Variants in JAKMIP1 observed in about 807,000 individuals in gnomAD.
JAKMIP1 encodes the protein janus kinase and microtubule interacting protein 1, also known as janus kinase and microtubule-interacting protein 1.
A neutral mutation model predicts 113.0 loss-of-function variants in JAKMIP1; 33 were observed. The ratio of observed to expected loss-of-function variants is 0.29; its 90% CI spans 0.22 to 0.39. The LOEUF (loss-of-function observed/expected upper bound fraction) is 0.39, where lower values mean the gene tolerates loss of function less well. Among genes scored for constraint, JAKMIP1 ranks in the 10% least tolerant of loss-of-function variants. JAKMIP1 has a pLI of 1.00. For synonymous variants in JAKMIP1, 480 were observed against 459.9 expected (o/e 1.04, Z -0.56); for missense variants, 813 against 1,080.5 (o/e 0.75, Z 3.47).
At chr4:6,055,844 A>G (rs1267098887) in intron 12 of JAKMIP1, among the ~76,000 whole-genome samples, 3 of 126,604 alleles carry the variant, frequency 2.4e-5, no homozygotes, top group Non-Finnish European at 3.3e-5. Context: ...TCTGCAGGGT[A>G]TCCCCAGAGG....
rs1714204619 is a variant in JAKMIP1 at position 6,040,794 on chromosome 4, G to A, written c.2098-78C>T. The A allele has an allele frequency of 5.2e-6, 6 of 1,144,980 alleles. No homozygotes were observed. In the South Asian group the frequency reaches 6.4e-5, roughly 12 times the overall value. The allele number at this position is 1,144,980 out of a possible 1,614,324, so 70.9% of individuals were successfully genotyped here. ...ACAGCTTCAGAGCCCGTTTGCTAGA[G>A]AGTGGCAGTCTCACCGAATTGGGGG... On this transcript the variant is annotated intron_variant, in intron 17 of 20. Transcript: ENST00000409021. This position sits in a 1 kb window ranked among gnomAD's most constrained non-coding sequence, Gnocchi z 5.8.
At chr4:6,048,807 GC>G (rs1715308192) in intron 16 of JAKMIP1, 49 bp downstream of exon 16, 1 of 1,482,828 alleles carries the variant, frequency 6.7e-7, no homozygotes, top group Non-Finnish European at 9.4e-7. Flanking sequence ...CTTGTATGGT[GC>G]TGGGAAGCTG....
intron 1 of JAKMIP1, among the ~76,000 whole-genome samples, chr4:6,161,907 C>T (rs536601172): frequency 1.3e-5 from 2 of 152,192 alleles, no homozygotes; most frequent in South Asian, 4.2e-4. Flanking sequence ...TGTTTGAAAG[C>T]TTTCTTGCTG....
rs1174209109 is a variant in JAKMIP1, at chr4:6,064,945, C to T, written c.1366G>A (p.Glu456Lys). ...GTCCTGTCTGTGTTGTAGGATGTTT[C>T]GGACAACGTTTCTGAGTCCACAGAC... ...EESVDSETLS[E>K]TSYNTDRTDR... Residue 456 changes from glutamate (E) to lysine (K), a missense_variant, in exon 9 of 21, where the codon GAA (glutamate) becomes AAA (lysine). Glu to Lys is a moderately conservative substitution (Grantham distance 56). This residue lies in a region of JAKMIP1 where 540 missense variants were observed against 653.9 expected (regional missense o/e 0.83). Transcript: ENST00000409021. This position sits in a 1 kb window ranked among gnomAD's most constrained non-coding sequence, Gnocchi z 4.3. The T allele has an allele frequency of 1.9e-6, 3 of 1,613,948 alleles. No individual in the cohort carries two copies. Among genetic ancestry groups the T allele is most frequent in the African/African-American group, 1.3e-5 (1 of 74,894 alleles).
intron 13 of JAKMIP1, among the ~76,000 whole-genome samples, chr4:6,052,042 C>A (rs909399596): frequency 1.3e-5 from 2 of 151,968 alleles, no homozygotes; most frequent in African/African-American, 4.8e-5. Context: ...CCAAGAGAGG[C>A]ACGAATCTAG....
chr4:6,119,340 T>A (rs1315315170), intron 1 of JAKMIP1, among the ~76,000 whole-genome samples: 1 of 151,664 alleles, frequency 6.6e-6, no homozygotes, highest in Non-Finnish European at 1.5e-5. Context: ...GGTTGGGAGT[T>A]CGAGACTAGC....
At position 6,093,004 on chromosome 4, in the gene JAKMIP1, A is replaced by G. The variant is rs1209826915; in HGVS notation, c.625-7375T>C. Reference sequence around the variant, plus strand: ...ATTTTCATTTTGTATTTTACTGGGAATCCAAGTATCACATATCATCATGGC... The same window carrying G: ...ATTTTCATTTTGTATTTTACTGGGAGTCCAAGTATCACATATCATCATGGC... On this transcript the variant is annotated intron_variant, in intron 3 of 20. Coordinates refer to ENST00000409021, the MANE Select transcript of JAKMIP1 (RefSeq NM_001099433.2). The surrounding 1 kb of genome is among the most constrained non-coding windows in gnomAD (Gnocchi z 4.6). Among the ~76,000 whole-genome samples the G allele has an allele frequency of 6.6e-6, 1 of 152,234 alleles. No homozygotes were observed. Among genetic ancestry groups the G allele is most frequent in the Non-Finnish European group, 1.5e-5 (1 of 68,034 alleles).
Position 6,064,801 on chromosome 4 carries a change from C to T in JAKMIP1, c.1431+79G>A. ...CAGAACTATAGGCAAGGGAGCGAAA[C>T]TTGCAACTATCAAAAGCAGGAGGTG... On this transcript the variant is annotated intron_variant, in intron 9 of 20. Transcript: ENST00000409021. The surrounding 1 kb of genome is among the most constrained non-coding windows in gnomAD (Gnocchi z 4.3). The T allele has an allele frequency of 6.3e-7, 1 of 1,591,604 alleles. No homozygotes were observed. The highest frequency in any genetic ancestry group is 1.7e-5 in the Admixed American group (1 of 59,256).
intron 13 of JAKMIP1, 158 bp downstream of exon 13, chr4:6,053,890 TAC>T: frequency 6.6e-7 from 1 of 1,521,222 alleles, no homozygotes; most frequent in Non-Finnish European, 8.8e-7. Context: ...ATTCTGAACA[TAC>T]AGATTTAAAA....
chr4:6,112,912 A>C lies in JAKMIP1; in HGVS notation c.-62T>G, dbSNP rs1057279833. 1 of 1,575,406 alleles carries C rather than the reference A, an allele frequency of 6.3e-7. No individual in the cohort carries two copies. Among genetic ancestry groups the C allele is most frequent in the African/African-American group, 1.3e-5 (1 of 74,234 alleles). ...CCACACCTGTTCACGCACGCCAGCC[A>C]GCAGGCGTGGCTACCAGCTCCACCG... is the stretch of plus-strand genomic sequence containing the variant. On this transcript the variant is annotated 5_prime_UTR_variant, in exon 2 of 21. Transcript: ENST00000409021.
intron 18 of JAKMIP1, among the ~76,000 whole-genome samples, chr4:6,037,248 G>A (rs1173192024): frequency 3.2e-5 from 4 of 123,724 alleles, no homozygotes; most frequent in South Asian, 2.7e-4. Context: ...GAGGCTAACC[G>A]GTATCCCTCC....
At chr4:6,173,037 T>C (rs2109026325) in intron 1 of JAKMIP1, among the ~76,000 whole-genome samples, 1 of 152,212 alleles carries the variant, frequency 6.6e-6, no homozygotes, top group Middle Eastern at 3.4e-3. Flanking sequence ...GCTAACCCGA[T>C]TAACAAAGGA....
At chr4:6,038,791 G>A (rs1713911943) in intron 18 of JAKMIP1, among the ~76,000 whole-genome samples, 1 of 152,220 alleles carries the variant, frequency 6.6e-6, no homozygotes, top group Admixed American at 6.5e-5. Context: ...GGTGCCTGCA[G>A]GCTCACCCCT....
rs568230655 is a variant in JAKMIP1 at position 6,183,860 on chromosome 4, C to T, written c.-148+16393G>A. ...CTCTGAGAATGCAAGACAAGTCACT[C>T]CCAAAAACGGAATCACAAATGCGGT... On this transcript the variant is annotated intron_variant, in intron 1 of 20. Transcript: ENST00000409021. This position sits in a 1 kb window ranked among gnomAD's most constrained non-coding sequence, Gnocchi z 5.3. Among the ~76,000 whole-genome samples, 149 of 152,294 alleles carry T rather than the reference C, an allele frequency of 9.8e-4. No homozygotes were observed. Among genetic ancestry groups the T allele is most frequent in the Admixed American group, 1.8e-3 (27 of 15,302 alleles).
chr4:6,073,364 A>T (rs1046619562), intron 8 of JAKMIP1, among the ~76,000 whole-genome samples: 5 of 152,202 alleles, frequency 3.3e-5, no homozygotes, highest in African/African-American at 1.2e-4. Context: ...CAGCAGACCC[A>T]GAGTCATTTG....
rs895653899 is a variant in JAKMIP1, at chr4:6,097,267, G to A, written c.624+8206C>T. On this transcript the variant is annotated intron_variant, in intron 3 of 20. Transcript: ENST00000409021. This position sits in a 1 kb window ranked among gnomAD's most constrained non-coding sequence, Gnocchi z 4.3. ...CCACCTCAGCCTCCTGATGTATTGG[G>A]ATTACAGTCATGAGCCATCTCGCCC... 6.6e-6 allele frequency among the ~76,000 whole-genome samples: 1 copy of A among 152,184 alleles called. No homozygotes were observed. The highest frequency in any genetic ancestry group is 2.4e-5 in the African/African-American group (1 of 41,440).
At chr4:6,110,658 T>A (rs1198007419) in intron 2 of JAKMIP1, among the ~76,000 whole-genome samples, 1 of 143,994 alleles carries the variant, frequency 6.9e-6, no homozygotes, top group African/African-American at 2.6e-5. Flanking sequence ...CCAGGCCCTG[T>A]GTGTGACTGT....
rs143446891 is a variant in JAKMIP1 at position 6,160,723 on chromosome 4, C to G, written c.-148+39530G>C. 7.8e-3 allele frequency among the ~76,000 whole-genome samples: 1,185 copies of G among 152,284 alleles called. 7 individuals carry two copies. Among genetic ancestry groups the G allele is most frequent in the Non-Finnish European group, 9.7e-3 (657 of 68,014 alleles). On this transcript the variant is annotated intron_variant, in intron 1 of 20. Transcript: ENST00000409021. ...CCACGCCTCCCTGCCCCTCTACAGT[C>G]CTTCCAGATGGTCTCCACCCGTCGT... is the stretch of plus-strand genomic sequence containing the variant.
In JAKMIP1 at chr4:6,050,668, C is replaced by T; in HGVS notation, c.1818G>A (p.Arg606=). ...FRVLELEERE[R]RSPAFNLQIT... is the part of the protein sequence containing the mutation. ...TTTGGAGGTTAAATGCTGGCGACCT[C>T]CTCTCTCTCTCCTGGGGAAAAGATT... The change falls in exon 14 of 21, where the codon AGG becomes AGA. Residue 606 remains arginine (R), a synonymous_variant. Coordinates refer to ENST00000409021, the MANE Select transcript of JAKMIP1 (RefSeq NM_001099433.2). This position sits in a 1 kb window ranked among gnomAD's most constrained non-coding sequence, Gnocchi z 7.4. 1.3e-6 allele frequency: 2 copies of T among 1,560,666 alleles called. No homozygotes were observed. The highest frequency in any genetic ancestry group is 1.7e-6 in the Non-Finnish European group (2 of 1,151,510).
Sources: gnomAD v4.1 joint callset for allele counts (sites outside exome capture counted in the v4.1 genomes callset) on GRCh38, gnomAD v4.1.1 for gene constraint, gnomAD v4.1.1 regional missense constraint, Gnocchi (gnomAD v3.1) non-coding constraint, MANE v1.5 for transcripts, NCBI Gene and HGNC (gene_info 2026-07-23, HGNC 2026-07-21) for gene names.